SPIDR: variants seen among roughly 807,000 people sequenced by gnomAD.
SPIDR encodes the protein DNA repair-scaffolding protein.
A neutral mutation model predicts 104.6 loss-of-function variants in SPIDR; 93 were observed. The ratio of observed to expected loss-of-function variants is 0.89; its 90% CI spans 0.75 to 1.06. The LOEUF (loss-of-function observed/expected upper bound fraction) is 1.06. SPIDR is among the 50% of genes least tolerant of loss of function. The pLI is 0.00. For missense variants in SPIDR, 1,154 were observed against 1,111.2 expected, an observed-to-expected ratio of 1.04 and a Z score of -0.55; for synonymous variants, 431 against 416.9, an observed-to-expected ratio of 1.03 and a Z score of -0.41.
chr8:47,350,467 C>A (rs1488653008), intron 5 of SPIDR, among the ~76,000 whole-genome samples: 3 of 152,168 alleles, frequency 2.0e-5, no homozygotes, highest in Non-Finnish European at 4.4e-5. Flanking sequence ...GCGTGTGCCA[C>A]CATGCCTGGC....
rs555756982 is a variant in SPIDR, at chr8:47,526,236, C to T, written c.1098-69575C>T. 3.3e-5 allele frequency among the ~76,000 whole-genome samples: 5 copies of T among 152,304 alleles called. No homozygotes were observed. In the South Asian group the frequency reaches 8.3e-4, roughly 25 times the overall value. Reference sequence around the variant, plus strand: ...TGCCTGGGGTCAGCAAGTGGCCTTGCTGACATCACAACATGTGCATTTCTC... The same window carrying T: ...TGCCTGGGGTCAGCAAGTGGCCTTGTTGACATCACAACATGTGCATTTCTC... On this transcript the variant is annotated intron_variant, in intron 8 of 19. Coordinates refer to ENST00000297423, the MANE Select transcript of SPIDR (RefSeq NM_001080394.4).
intron 8 of SPIDR, among the ~76,000 whole-genome samples, chr8:47,488,872 A>G (rs1301094387): frequency 1.9e-4 from 29 of 152,218 alleles, no homozygotes; most frequent in Admixed American, 5.9e-4. Flanking sequence ...AGAGCTATCT[A>G]TGACAAACCC....
Position 47,407,917 on chromosome 8 carries a change from C to A in SPIDR, c.833C>A (p.Ser278Tyr), listed in dbSNP as rs1554668406. The A allele has an allele frequency of 6.2e-7, 1 of 1,605,258 alleles. No homozygotes were observed. The highest frequency in any genetic ancestry group is 8.5e-7 in the Non-Finnish European group (1 of 1,174,382). The change falls in exon 7 of 20, where the codon TCT becomes TAT. Residue 278 changes from serine (S) to tyrosine (Y), a missense_variant. Coordinates refer to ENST00000297423, the MANE Select transcript of SPIDR (RefSeq NM_001080394.4). ...GLQNRERSAI[S>Y]LWRHQCISYQ... ...CAGAATCGAGAGAGATCTGCTATTTCTTTGTGGAGACATCAATGTATTTCT... is the reference window on the plus strand; with the variant it reads ...CAGAATCGAGAGAGATCTGCTATTTATTTGTGGAGACATCAATGTATTTCT...
chr8:47,464,229 T>C lies in SPIDR; in HGVS notation c.1097+23687T>C, dbSNP rs138414492. Among the ~76,000 whole-genome samples the C allele has an allele frequency of 5.3e-3, 806 of 152,146 alleles. 5 individuals are homozygous for C. Among genetic ancestry groups the C allele is most frequent in the African/African-American group, 0.018 (740 of 41,502 alleles). ...CAAAAATTAGTTGGATTTTTATCAA[T>C]AGCAGTGCATAATCTAAAAAATGAA... On this transcript the variant is annotated intron_variant, in intron 8 of 19. Coordinates refer to ENST00000297423, the MANE Select transcript of SPIDR (RefSeq NM_001080394.4).
At chr8:47,589,693 A>G (rs1332934078) in intron 8 of SPIDR, among the ~76,000 whole-genome samples, 1 of 152,118 alleles carries the variant, frequency 6.6e-6, no homozygotes, top group Non-Finnish European at 1.5e-5. Context: ...ATTGTACTTT[A>G]CCTAGCCTTG....
At chr8:47,560,296 G>C (rs1488438918) in intron 8 of SPIDR, among the ~76,000 whole-genome samples, 1 of 152,168 alleles carries the variant, frequency 6.6e-6, no homozygotes, top group African/African-American at 2.4e-5. Context: ...GCCAAGGGAA[G>C]ACTTCTCCTC....
chr8:47,366,796 A>T (rs375768671), intron 5 of SPIDR, among the ~76,000 whole-genome samples: 16 of 152,306 alleles, frequency 1.1e-4, no homozygotes, highest in African/African-American at 3.8e-4. Flanking sequence ...GGAGAAATAG[A>T]TTTGGGAGTT....
intron 5 of SPIDR, among the ~76,000 whole-genome samples, chr8:47,368,507 C>T (rs1241895705): frequency 2.0e-5 from 3 of 152,044 alleles, no homozygotes; most frequent in Non-Finnish European, 4.4e-5. Flanking sequence ...TGTCATCTTG[C>T]CAGCCATCTT....
At chr8:47,362,777 G>A (rs904655940) in intron 5 of SPIDR, among the ~76,000 whole-genome samples, 1 of 152,126 alleles carries the variant, frequency 6.6e-6, no homozygotes, top group South Asian at 2.1e-4. Flanking sequence ...AGCCTCCCGA[G>A]TAGCTGGGAC....
intron 11 of SPIDR, among the ~76,000 whole-genome samples, chr8:47,677,227 A>G (rs761255718): frequency 1.6e-4 from 25 of 152,210 alleles, no homozygotes; most frequent in Admixed American, 1.1e-3. Context: ...TAGTAGGCCA[A>G]ACAAGCTGAG....
intron 5 of SPIDR, among the ~76,000 whole-genome samples, chr8:47,365,854 G>A (rs1208744016): frequency 6.6e-6 from 1 of 152,108 alleles, no homozygotes; most frequent in Non-Finnish European, 1.5e-5. Context: ...GAAAGGTCAG[G>A]ACAGGAAGTG....
intron 5 of SPIDR, among the ~76,000 whole-genome samples, chr8:47,343,284 T>C (rs2051138241): frequency 6.6e-6 from 1 of 152,168 alleles, no homozygotes; most frequent in African/African-American, 2.4e-5. Flanking sequence ...AAAGCTGGAC[T>C]TTTGTGTTAG....
chr8:47,420,594 G>A (rs1184667100), intron 7 of SPIDR, among the ~76,000 whole-genome samples: 5 of 152,056 alleles, frequency 3.3e-5, no homozygotes, highest in African/African-American at 1.2e-4. Flanking sequence ...TCTTTTAATT[G>A]GCACATTTAG....
At chr8:47,591,201 T>G (rs78849505) in intron 8 of SPIDR, among the ~76,000 whole-genome samples, 12 of 104,554 alleles carry the variant, frequency 1.1e-4, no homozygotes, top group African/African-American at 3.9e-4. Flanking sequence ...TGTTCTCTGG[T>G]TTTTTTTTTT....
At chr8:47,334,174 G>A (rs993120484) in intron 5 of SPIDR, among the ~76,000 whole-genome samples, 5 of 152,158 alleles carry the variant, frequency 3.3e-5, no homozygotes, top group Non-Finnish European at 7.4e-5. Flanking sequence ...TTGTTAACAT[G>A]TATTTTATGG....
intron 8 of SPIDR, among the ~76,000 whole-genome samples, chr8:47,567,197 T>G (rs1455858699): frequency 6.6e-6 from 1 of 151,522 alleles, no homozygotes; most frequent in Admixed American, 6.6e-5. Context: ...ATTACACTGG[T>G]TTTGGAGGAT....
chr8:47,353,556 G>A (rs2053960662), intron 5 of SPIDR, among the ~76,000 whole-genome samples: 1 of 152,144 alleles, frequency 6.6e-6, no homozygotes, highest in East Asian at 1.9e-4. Context: ...GAGGGTTGGA[G>A]CAATTGTTCA....
intron 16 of SPIDR, among the ~76,000 whole-genome samples, chr8:47,726,144 T>A (rs2084203533): frequency 6.6e-6 from 1 of 152,250 alleles, no homozygotes; most frequent in Non-Finnish European, 1.5e-5. Context: ...GACTTTGCTT[T>A]TCATCCCTTT....
intron 10 of SPIDR, among the ~76,000 whole-genome samples, chr8:47,621,363 C>T (rs1205687767): frequency 6.6e-6 from 1 of 152,228 alleles, no homozygotes; most frequent in Non-Finnish European, 1.5e-5. Flanking sequence ...CATGAATCAT[C>T]TTGAAAGTGA....
Sources: allele counts gnomAD v4.1 joint callset (sites outside exome capture counted in the v4.1 genomes callset), GRCh38; gene constraint gnomAD v4.1.1; transcripts MANE v1.5; gene names NCBI Gene and HGNC (gene_info 2026-07-23, HGNC 2026-07-21).